CSMD2: variants seen among roughly 807,000 people sequenced by gnomAD.
The protein encoded by CSMD2 is CUB and Sushi multiple domains 2.
In CSMD2, 130 loss-of-function variants were observed where a neutral mutation model predicts 398.5. The observed-to-expected ratio is 0.33, with a 90% CI of 0.28 to 0.38. The LOEUF (loss-of-function observed/expected upper bound fraction) is 0.38, where lower values mean the gene tolerates loss of function less well. Among genes scored for constraint, CSMD2 ranks in the 10% least tolerant of loss-of-function variants. The probability of loss-of-function intolerance (pLI) is 1.00; values close to 1 mark genes in which losing one functional copy is unlikely to be tolerated. For synonymous variants in CSMD2, 1,828 were observed against 1,908.5 expected (o/e 0.96, Z 1.10); for missense variants, 3,829 against 4,764.9 (o/e 0.80, Z 5.78).
Position 33,635,189 on chromosome 1 carries a change from G to T in CSMD2, c.5086+25C>A. On this transcript the variant is annotated intron_variant, in intron 31 of 70. Transcript: ENST00000373381. The surrounding 1 kb of genome is among the most constrained non-coding windows in gnomAD (Gnocchi z 5.0). ...GAGGGTGAGGAGTCAGAAAACATATGAACAACAACAACCAAAACCCATACC... is the reference window on the plus strand; with the variant it reads ...GAGGGTGAGGAGTCAGAAAACATATTAACAACAACAACCAAAACCCATACC... 1.4e-6 allele frequency: 2 copies of T among 1,464,874 alleles called. No individual in the cohort carries two copies. Among genetic ancestry groups the T allele is most frequent in the South Asian group, 2.3e-5 (2 of 86,458 alleles). The allele number at this position is 1,464,874 out of a possible 1,614,324, so 90.7% of individuals were successfully genotyped here.
chr1:33,600,886 T>TC lies in CSMD2; in HGVS notation c.6834dup (p.Ile2279AspfsTer30). 6.2e-7 allele frequency: 1 copy of TC among 1,613,644 alleles called. No homozygotes were observed. Among genetic ancestry groups the TC allele is most frequent in the Non-Finnish European group, 8.5e-7 (1 of 1,179,898 alleles). ...TGACCGGAGAAAGCTATGGCGAAGA[T>TC]CCCCCCTGTGGCTGCATCACGGTGG... On this transcript the variant is annotated frameshift_variant, in exon 44 of 71. Transcript: ENST00000373381. LOFTEE classifies it high-confidence loss of function.
intron 48 of CSMD2, among the ~76,000 whole-genome samples, 197 bp downstream of exon 48, chr1:33,580,556 G>C (rs1638621288): frequency 6.6e-6 from 1 of 152,182 alleles, no homozygotes; most frequent in Non-Finnish European, 1.5e-5. Flanking sequence ...TGAAGACAAA[G>C]GCTGGCAGTA....
intron 2 of CSMD2, among the ~76,000 whole-genome samples, chr1:34,071,814 C>G (rs1655760599): frequency 6.6e-6 from 1 of 152,240 alleles, no homozygotes; most frequent in Admixed American, 6.5e-5. Context: ...CTGAAACAGC[C>G]AAGAGCAGTA....
chr1:33,721,026 T>C (rs934127775), intron 19 of CSMD2, among the ~76,000 whole-genome samples: 1 of 152,194 alleles, frequency 6.6e-6, no homozygotes, highest in Non-Finnish European at 1.5e-5. Flanking sequence ...TGGGGATCTA[T>C]GCTAAGAATT....
chr1:33,633,211 C>G lies in CSMD2; in HGVS notation c.5200+211G>C, dbSNP rs1642571603. ...ACACCACAAGGGGGCGGTGTAGACA[C>G]AGTCTGGGTGAGGGCAGCTGCTGAA... On this transcript the variant is annotated intron_variant, in intron 32 of 70. Transcript: ENST00000373381. This position sits in a 1 kb window ranked among gnomAD's most constrained non-coding sequence, Gnocchi z 5.0. 6.6e-6 allele frequency among the ~76,000 whole-genome samples: 1 copy of G among 152,186 alleles called. No individual in the cohort carries two copies. The highest frequency in any genetic ancestry group is 2.4e-5 in the African/African-American group (1 of 41,446).
At chr1:34,026,807 T>C (rs762332220) in intron 3 of CSMD2, among the ~76,000 whole-genome samples, 5 of 152,058 alleles carry the variant, frequency 3.3e-5, no homozygotes, top group African/African-American at 1.2e-4. Context: ...AAACATCAGA[T>C]AGAGACACAC....
intron 3 of CSMD2, among the ~76,000 whole-genome samples, chr1:33,938,595 T>C (rs1644559728): frequency 6.6e-6 from 1 of 151,756 alleles, no homozygotes; most frequent in Non-Finnish European, 1.5e-5. Flanking sequence ...TTTCCCATGA[T>C]ACCATGTTGC....
chr1:34,019,968 G>C (rs552179973), intron 3 of CSMD2, among the ~76,000 whole-genome samples: 1 of 152,188 alleles, frequency 6.6e-6, no homozygotes, highest in Non-Finnish European at 1.5e-5. Context: ...TAGGAGCTGA[G>C]GAATCAGCAC....
chr1:33,574,986 CCCTGG>C (rs1278350045), intron 49 of CSMD2, among the ~76,000 whole-genome samples: 1 of 152,200 alleles, frequency 6.6e-6, no homozygotes, highest in Non-Finnish European at 1.5e-5. Flanking sequence ...TTCTCACAGG[CCCTGG>C]CCTGGCCTTG....
chr1:34,130,389 C>CAAAAA lies in CSMD2; in HGVS notation c.187+34517_187+34521dup, dbSNP rs60733725. On this transcript the variant is annotated intron_variant, in intron 1 of 70. Coordinates refer to ENST00000373381, the MANE Select transcript of CSMD2 (RefSeq NM_001281956.2). The stretch of plus-strand genomic sequence containing the variant: ...AACAGCAGGAAGAAATGTCTGGAGG[C>CAAAAA]AAAAAAAAAAAAAAAAAAAAAGTTT... Among the ~76,000 whole-genome samples the CAAAAA allele has an allele frequency of 7.8e-3, 456 of 58,334 alleles. 25 individuals carry two copies. The highest frequency in any genetic ancestry group is 0.016 in the Middle Eastern group (1 of 64). The allele number at this position is 58,334 out of a possible 152,430, so 38.3% of individuals were successfully genotyped here.
chr1:34,129,000 T>C (rs546173410), intron 1 of CSMD2, among the ~76,000 whole-genome samples: 1 of 83,754 alleles, frequency 1.2e-5, no homozygotes, highest in African/African-American at 4.9e-5. Context: ...TACATACATG[T>C]GTACCCCCCC....
intron 3 of CSMD2, among the ~76,000 whole-genome samples, chr1:33,978,911 G>A (rs1646064544): frequency 6.6e-6 from 1 of 152,092 alleles, no homozygotes; most frequent in Non-Finnish European, 1.5e-5. Flanking sequence ...GAGTACTATT[G>A]CCATCTCTAT....
At chr1:33,706,891 G>A (rs753752405) in intron 22 of CSMD2, among the ~76,000 whole-genome samples, 25 of 151,796 alleles carry the variant, frequency 1.6e-4, no homozygotes, top group African/African-American at 5.1e-4. Flanking sequence ...TTGTGTATGC[G>A]TGTGTGTGTG....
chr1:33,697,111 C>T (rs1276583420), intron 24 of CSMD2, among the ~76,000 whole-genome samples: 1 of 152,096 alleles, frequency 6.6e-6, no homozygotes, highest in Non-Finnish European at 1.5e-5. Flanking sequence ...AAGTCCAGTC[C>T]AACTGGCATA....
intron 44 of CSMD2, chr1:33,599,826 T>C (rs756078283): frequency 2.4e-4 from 64 of 262,782 alleles, no homozygotes; most frequent in Non-Finnish European, 4.0e-4. Context: ...CTTGTTTCTC[T>C]CTGTTGCTTC....
intron 5 of CSMD2, among the ~76,000 whole-genome samples, chr1:33,909,295 G>T (rs189781873): frequency 6.6e-6 from 1 of 152,232 alleles, no homozygotes; most frequent in East Asian, 1.9e-4. Flanking sequence ...TGCCTGGAAA[G>T]CTGCCACCTG....
chr1:33,652,319 A>C lies in CSMD2; in HGVS notation c.4586+4T>G, dbSNP rs565542444. On this transcript the variant is annotated splice_donor_region_variant and intron_variant, in intron 28 of 70. Transcript: ENST00000373381. ...CGTCTCCCACCCGGGGGAAAGGTAC[A>C]TACATGTTAAATACCAGGGCGATGA... The C allele has an allele frequency of 6.2e-7, 1 of 1,613,974 alleles. No homozygotes were observed. The highest frequency in any genetic ancestry group is 8.5e-7 in the Non-Finnish European group (1 of 1,179,976).
At chr1:34,013,058 T>C (rs1001490902) in intron 3 of CSMD2, among the ~76,000 whole-genome samples, 2 of 152,206 alleles carry the variant, frequency 1.3e-5, no homozygotes, top group Non-Finnish European at 2.9e-5. Context: ...AATTGTTCTC[T>C]AGGTGTGAAC....
chr1:33,590,981 CTTTTTTTT>C (rs11374822), intron 44 of CSMD2, among the ~76,000 whole-genome samples: 1 of 67,170 alleles, frequency 1.5e-5, no homozygotes, highest in African/African-American at 6.3e-5. Flanking sequence ...TTTTATTTAT[CTTTTTTTT>C]TTTTTTTTTT....
Sources: gnomAD v4.1 joint callset for allele counts (sites outside exome capture counted in the v4.1 genomes callset) on GRCh38, gnomAD v4.1.1 for gene constraint, Gnocchi (gnomAD v3.1) non-coding constraint, MANE v1.5 for transcripts, NCBI Gene and HGNC (gene_info 2026-07-23, HGNC 2026-07-21) for gene names.